The following HACD2 variants were observed in gnomAD, a reference collection of about 807,000 sequenced individuals.
HACD2 encodes the protein 3-hydroxyacyl-CoA dehydratase 2, also known as very-long-chain (3R)-3-hydroxyacyl-CoA dehydratase 2.
HACD2 carries 15 observed loss-of-function variants against 31.0 expected under a neutral mutation model. That is an observed-to-expected ratio of 0.48 (90% CI 0.32 to 0.75). The LOEUF is 0.75. Ranked by LOEUF, HACD2 falls within the 30% of genes least tolerant of loss-of-function variation. The pLI, the probability that HACD2 is intolerant of heterozygous loss-of-function variation, is 0.03. For missense variants in HACD2, 283 were observed against 313.0 expected, an observed-to-expected ratio of 0.90 and a Z score of 0.72; for synonymous variants, 115 against 122.2, an observed-to-expected ratio of 0.94 and a Z score of 0.39.
chr3:123,584,777 G>A, intron 1 of HACD2, 96 bp downstream of exon 1: 1 of 1,018,614 alleles, frequency 9.8e-7, no homozygotes, highest in Admixed American at 4.2e-5. Context: ...TGCACTGCCT[G>A]CGGCGGGCCG....
Position 123,584,758 on chromosome 3 carries a change from C to A in HACD2, c.155+115G>T, listed in dbSNP as rs558637596. 5.8e-3 allele frequency: 4,801 copies of A among 828,000 alleles called. 32 individuals carry two copies. The highest frequency in any genetic ancestry group is 0.015 in the South Asian group (541 of 36,158). The allele number at this position is 828,000 out of a possible 1,614,324, so 51.3% of individuals were successfully genotyped here. A position where few individuals can be genotyped will look rare whatever the true frequency, so the allele number is the denominator to read the frequency against. ...CAGGTACCGGGTCCCGGGCACCCCC[C>A]GCCGGGAATGCACTGCCTGCGGCGG... On this transcript the variant is annotated intron_variant, in intron 1 of 6. Coordinates refer to ENST00000383657, the MANE Select transcript of HACD2 (RefSeq NM_198402.5).
intron 6 of HACD2, among the ~76,000 whole-genome samples, 160 bp from the exon 7 acceptor site, chr3:123,495,130 CAG>C (rs1401365416): frequency 1.3e-5 from 2 of 152,170 alleles, no homozygotes; most frequent in East Asian, 1.9e-4. Flanking sequence ...AGAAAAAACA[CAG>C]AGAGACTTAC....
intron 5 of HACD2, among the ~76,000 whole-genome samples, chr3:123,501,825 G>C (rs2055905725): frequency 6.6e-6 from 1 of 152,134 alleles, no homozygotes; most frequent in Non-Finnish European, 1.5e-5. Context: ...CAAAATGTTG[G>C]AAACAATCGG....
chr3:123,522,617 C>T (rs188644896), intron 4 of HACD2, among the ~76,000 whole-genome samples: 90 of 151,190 alleles, frequency 6.0e-4, no homozygotes, highest in Admixed American at 2.6e-3. Flanking sequence ...TGTCTAGAAG[C>T]TGCCTCAAGT....
intron 3 of HACD2, among the ~76,000 whole-genome samples, chr3:123,556,298 G>A (rs1180222482): frequency 6.6e-6 from 1 of 151,910 alleles, no homozygotes; most frequent in Non-Finnish European, 1.5e-5. Flanking sequence ...CTAGCCAAGT[G>A]TGGTGGTGCA....
chr3:123,502,047 CATT>C (rs963180222), intron 5 of HACD2, among the ~76,000 whole-genome samples: 2 of 152,190 alleles, frequency 1.3e-5, no homozygotes, highest in African/African-American at 4.8e-5. Context: ...CCAAAGTCAT[CATT>C]ACTTGTAAAA....
chr3:123,547,886 A>T (rs1158946844), intron 3 of HACD2, among the ~76,000 whole-genome samples: 1 of 152,138 alleles, frequency 6.6e-6, no homozygotes, highest in Admixed American at 6.6e-5. Flanking sequence ...TCTGTGAGGT[A>T]GGCACCATTT....
chr3:123,500,995 G>T (rs1375771864), intron 5 of HACD2, among the ~76,000 whole-genome samples: 2 of 152,182 alleles, frequency 1.3e-5, no homozygotes, highest in African/African-American at 4.8e-5. Flanking sequence ...GATGCCAAAT[G>T]TTGGTAAAGT....
chr3:123,548,508 GA>G (rs2056584503), intron 3 of HACD2, among the ~76,000 whole-genome samples: 1 of 152,148 alleles, frequency 6.6e-6, no homozygotes, highest in Non-Finnish European at 1.5e-5. Context: ...TGAGAGATTG[GA>G]AACATTTTGT....
chr3:123,502,255 G>C (rs563542524), intron 5 of HACD2, among the ~76,000 whole-genome samples: 8 of 152,008 alleles, frequency 5.3e-5, no homozygotes, highest in African/African-American at 1.9e-4. Context: ...GGGATGTTAC[G>C]GCAAATCTCT....
In HACD2 at chr3:123,561,079, G is replaced by T. The variant is rs528927482; in HGVS notation, c.292+6683C>A. On this transcript the variant is annotated intron_variant, in intron 3 of 6. Transcript: ENST00000383657. ...ATAAAAACTTGGCCCTCTCAAAGTAGCGGGGGGGCAGAGGAGGGAGTGTTA... is the reference window on the plus strand; with the variant it reads ...ATAAAAACTTGGCCCTCTCAAAGTATCGGGGGGGCAGAGGAGGGAGTGTTA... 1.8e-4 allele frequency among the ~76,000 whole-genome samples: 28 copies of T among 152,256 alleles called. No individual in the cohort carries two copies. In the South Asian group the frequency reaches 5.6e-3, roughly 30 times the overall value.
At chr3:123,516,820 T>C (rs189070404) in intron 4 of HACD2, among the ~76,000 whole-genome samples, 37 of 152,350 alleles carry the variant, frequency 2.4e-4, no homozygotes, top group Admixed American at 2.2e-3. Context: ...ATGGTTCCTA[T>C]GTGTTCAGCC....
intron 6 of HACD2, among the ~76,000 whole-genome samples, chr3:123,499,850 T>C (rs1054262199): frequency 1.3e-5 from 2 of 152,166 alleles, no homozygotes; most frequent in African/African-American, 4.8e-5. Flanking sequence ...CCTCAGAAAG[T>C]AGGGCTCACT....
chr3:123,532,168 T>G (rs2056370472), intron 3 of HACD2, among the ~76,000 whole-genome samples: 2 of 152,230 alleles, frequency 1.3e-5, no homozygotes, highest in Admixed American at 1.3e-4. Context: ...GATCAATACT[T>G]TCTAATTGAA....
Position 123,502,668 on chromosome 3 carries a change from T to C in HACD2, c.395A>G (p.Asp132Gly), listed in dbSNP as rs757965940. 1.2e-6 allele frequency: 2 copies of C among 1,603,414 alleles called. No individual in the cohort carries two copies. Among genetic ancestry groups the C allele is most frequent in the Non-Finnish European group, 8.5e-7 (1 of 1,174,692 alleles). Residue 132 changes from aspartate to glycine, a missense_variant, in exon 5 of 7, where the codon GAC becomes GGC. This residue lies in a region of HACD2 where 85 missense variants were observed against 129.6 expected (regional missense o/e 0.66). Coordinates refer to ENST00000383657, the MANE Select transcript of HACD2 (RefSeq NM_198402.5). ...TGCAATAACAAACAGGAGGACACTG[T>C]CTTCACTCTGTACCTGAAGGAAGAG... ...THSVKEVQSE[D>G]SVLLFVIAWT... is the part of the protein sequence containing the mutation.
In HACD2 at chr3:123,492,180, T is replaced by C. The variant is rs2055772013; in HGVS notation, c.*2708A>G. ...TCAGCAAACAGAACGCAGCAAGATGTAGATTAGCAGTCTGTGCTGACAAAA... is the reference window on the plus strand; with the variant it reads ...TCAGCAAACAGAACGCAGCAAGATGCAGATTAGCAGTCTGTGCTGACAAAA... On this transcript the variant is annotated 3_prime_UTR_variant, in exon 7 of 7. Transcript: ENST00000383657. 6.6e-6 allele frequency: 1 copy of C among 152,210 alleles called. No homozygotes were observed. Among genetic ancestry groups the C allele is most frequent in the Non-Finnish European group, 1.5e-5 (1 of 68,032 alleles). The allele number at this position is 152,210 out of a possible 1,614,324, so 9.4% of individuals were successfully genotyped here.
chr3:123,554,305 A>G (rs1035778615), intron 3 of HACD2, among the ~76,000 whole-genome samples: 1 of 151,998 alleles, frequency 6.6e-6, no homozygotes, highest in Non-Finnish European at 1.5e-5. Context: ...AAATTAAATA[A>G]GAAAACAGAG....
rs1392068761 is a variant in HACD2, at chr3:123,500,535, A to G, written c.662T>C (p.Ile221Thr). The change falls in exon 6 of 7, where the codon ATA (isoleucine) becomes ACA (threonine). Residue 221 changes from isoleucine to threonine, a missense_variant. By Grantham distance (89) the Ile-to-Thr change is moderately conservative. Transcript: ENST00000383657. ...CTTACTTGGAATGTAGGAGATCATT[A>G]TTAGAATCAGGAATGCATAGTAGTC... ...SFDYYAFLIL[I>T]MISYIPIFPQ... 1.9e-6 allele frequency: 3 copies of G among 1,605,466 alleles called. No individual in the cohort carries two copies. The highest frequency in any genetic ancestry group is 2.6e-6 in the Non-Finnish European group (3 of 1,173,938).
At chr3:123,558,334 A>T (rs1356030184) in intron 3 of HACD2, among the ~76,000 whole-genome samples, 1 of 152,220 alleles carries the variant, frequency 6.6e-6, no homozygotes, top group African/African-American at 2.4e-5. Context: ...ATGACAGTAT[A>T]ATATTAGATA....
Sources: gnomAD v4.1 joint callset for allele counts (sites outside exome capture counted in the v4.1 genomes callset) on GRCh38, gnomAD v4.1.1 for gene constraint, gnomAD v4.1.1 regional missense constraint, MANE v1.5 for transcripts, NCBI Gene and HGNC (gene_info 2026-07-23, HGNC 2026-07-21) for gene names.